CNGA4: variants seen among roughly 807,000 people sequenced by gnomAD.
The protein encoded by CNGA4 is cyclic nucleotide gated channel subunit alpha 4.
A neutral mutation model predicts 45.6 loss-of-function variants in CNGA4; 32 were observed. The observed-to-expected ratio is 0.70, with a 90% CI of 0.53 to 0.94. CNGA4 has a LOEUF of 0.94. Among genes scored for constraint, CNGA4 ranks in the 40% least tolerant of loss-of-function variants. CNGA4 has a pLI of 0.00. For missense variants in CNGA4, 726 were observed against 755.1 expected (o/e 0.96, Z 0.45); for synonymous variants, 293 against 304.6 (o/e 0.96, Z 0.40).
In CNGA4 at chr11:6,244,402, C is replaced by T; in HGVS notation, c.1721C>T (p.Pro574Leu). The T allele has an allele frequency of 6.2e-7, 1 of 1,608,506 alleles. No homozygotes were observed. The highest frequency in any genetic ancestry group is 1.3e-5 in the African/African-American group (1 of 74,924). Residue 574 changes from proline to leucine, a missense_variant, in exon 6 of 6, where the codon CCA becomes CTA. Transcript: ENST00000379936. This position sits in a 1 kb window ranked among gnomAD's most constrained non-coding sequence, Gnocchi z 4.5. ...GCCAGCCAGGAGGGACCCCCAGGTC[C>T]AGAGTGACCCCATCCCCATCCCCAG... ...GRASQEGPPGPE is the reference protein window; with the variant it reads ...GRASQEGPPGLE
Position 6,240,257 on chromosome 11 carries a change from G to T in CNGA4, c.463G>T (p.Asp155Tyr). The change falls in exon 4 of 6, where the codon GAC becomes TAC. Residue 155 changes from aspartate (D) to tyrosine (Y), a missense_variant. Physicochemically the swap from Asp to Tyr is radical, Grantham distance 160. Transcript: ENST00000379936. The surrounding 1 kb of genome is among the most constrained non-coding windows in gnomAD (Gnocchi z 4.9). ...CGCGCCCCGCCTCTTCGAGGCCTTC[G>T]ACCGCACAGAGACCCGCACAGCTTA... ...LRAPRLFEAF[D>Y]RTETRTAYPN... The T allele has an allele frequency of 6.2e-7, 1 of 1,614,206 alleles. No individual in the cohort carries two copies. The highest frequency in any genetic ancestry group is 1.3e-5 in the African/African-American group (1 of 75,074).
Position 6,241,683 on chromosome 11 carries a change from G to C in CNGA4, c.1170G>C (p.Glu390Asp). 1 of 1,614,212 alleles carries C rather than the reference G, an allele frequency of 6.2e-7. No homozygotes were observed. The stretch of plus-strand genomic sequence containing the variant: ...GCCAAGAGATGTACATCATCCGAGA[G>C]GGTCAACTGGCCGTGGTGGCAGATG... Reference protein sequence around the residue: ...DIGQEMYIIREGQLAVVADDG... With the variant: ...DIGQEMYIIRDGQLAVVADDG... The change falls in exon 5 of 6, where the codon GAG becomes GAC. Residue 390 changes from glutamate to aspartate, a missense_variant. Physicochemically the swap from Glu to Asp is conservative, Grantham distance 45. Coordinates refer to ENST00000379936, the MANE Select transcript of CNGA4 (RefSeq NM_001037329.4).
At chr11:6,243,799 C>T in intron 5 of CNGA4, 150 bp from the exon 6 acceptor site, 2 of 701,154 alleles carry the variant, frequency 2.9e-6, no homozygotes, top group South Asian at 1.9e-5. Context: ...GGAGCCTGGT[C>T]CCCAGTATGT....
At position 6,240,112 on chromosome 11, in the gene CNGA4, G is replaced by A. The variant is rs186291453; in HGVS notation, c.318G>A (p.Ser106=). The A allele has an allele frequency of 4.9e-4, 789 of 1,613,900 alleles. 1 individual carries two copies. The highest frequency in any genetic ancestry group is 6.2e-4 in the Non-Finnish European group (727 of 1,179,926). The change falls in exon 4 of 6, where the codon TCG becomes TCA. Residue 106 remains serine (S), a synonymous_variant. Coordinates refer to ENST00000379936, the MANE Select transcript of CNGA4 (RefSeq NM_001037329.4). The surrounding 1 kb of genome is among the most constrained non-coding windows in gnomAD (Gnocchi z 4.9). The stretch of plus-strand genomic sequence containing the variant: ...TGGTGGTGGACAAGGGTAGGATCTC[G>A]AGTCGCTACGTTCGCACCTGGAGTT... ...GILVVDKGRI[S]SRYVRTWSFF...
chr11:6,240,326 G>A lies in CNGA4; in HGVS notation c.532G>A (p.Val178Ile). Reference protein sequence around the residue: ...RIAKLMLYIFVVIHWNSCLYF... With the variant: ...RIAKLMLYIFIVIHWNSCLYF... ...TGCCAAGCTGATGCTTTACATTTTT[G>A]TCGTCATCCATTGGAACAGCTGCCT... Residue 178 changes from valine to isoleucine, a missense_variant, in exon 4 of 6, where the codon GTC (valine) becomes ATC (isoleucine). Coordinates refer to ENST00000379936, the MANE Select transcript of CNGA4 (RefSeq NM_001037329.4). The surrounding 1 kb of genome is among the most constrained non-coding windows in gnomAD (Gnocchi z 4.9). The A allele has an allele frequency of 6.2e-7, 1 of 1,614,154 alleles. No individual in the cohort carries two copies. Among genetic ancestry groups the A allele is most frequent in the Non-Finnish European group, 8.5e-7 (1 of 1,180,024 alleles).
At position 6,239,130 on chromosome 11, in the gene CNGA4, T is replaced by A. The variant is rs1008453704; in HGVS notation, c.-77T>A. Reference sequence around the variant, plus strand: ...CAGCCTCCTTCAGGCAGTCAGGCACTAGTGCCCAACTCCAGAAGTCCCCTA... The same window carrying A: ...CAGCCTCCTTCAGGCAGTCAGGCACAAGTGCCCAACTCCAGAAGTCCCCTA... On this transcript the variant is annotated 5_prime_UTR_variant, in exon 1 of 6. Coordinates refer to ENST00000379936, the MANE Select transcript of CNGA4 (RefSeq NM_001037329.4). The A allele has an allele frequency of 6.2e-7, 1 of 1,609,528 alleles. No homozygotes were observed. The highest frequency in any genetic ancestry group is 1.3e-5 in the African/African-American group (1 of 74,808).
chr11:6,239,485 G>T lies in CNGA4; in HGVS notation c.164G>T (p.Arg55Ile), dbSNP rs1174736220. The T allele has an allele frequency of 6.2e-7, 1 of 1,614,010 alleles. No homozygotes were observed. Among genetic ancestry groups the T allele is most frequent in the Non-Finnish European group, 8.5e-7 (1 of 1,179,974 alleles). Residue 55 changes from arginine to isoleucine, a missense_variant and splice_region_variant, in exon 2 of 6, where the codon AGA (arginine) becomes ATA (isoleucine). By Grantham distance (97) the Arg-to-Ile change is moderately conservative. Transcript: ENST00000379936. ...TATAACCTCATCATCCTCGTGTGCA[G>T]GTATGGCAGCGGTGCTAAGGGAGGG... ...VMYNLIILVC[R>I]ACFPDLQHGY...
In CNGA4 at chr11:6,239,253, C is replaced by T; in HGVS notation, c.47C>T (p.Ala16Val). ...AAGACAACAGAGTCCAGTCCCCCAG[C>T]CCCATCCAAGGCCAGGTGAGAAGTC... Reference protein sequence around the residue: ...KVKTTESSPPAPSKARKLLPV... With the variant: ...KVKTTESSPPVPSKARKLLPV... Residue 16 changes from alanine (A) to valine (V), a missense_variant, in exon 1 of 6, where the codon GCC (alanine) becomes GTC (valine). Transcript: ENST00000379936. 1.1e-5 allele frequency: 18 copies of T among 1,614,170 alleles called. No individual in the cohort carries two copies. The highest frequency in any genetic ancestry group is 1.4e-5 in the Non-Finnish European group (17 of 1,180,008).
intron 4 of CNGA4, among the ~76,000 whole-genome samples, chr11:6,241,155 G>T (rs943116528): frequency 6.6e-6 from 1 of 152,194 alleles, no homozygotes; most frequent in African/African-American, 2.4e-5. Context: ...GAGAGGAGGG[G>T]CCCTTGGTGG....
At chr11:6,237,110 C>T (rs564214028), upstream of CNGA4, among the ~76,000 whole-genome samples, 1 of 152,152 alleles carries the variant, frequency 6.6e-6, no homozygotes, top group Non-Finnish European at 1.5e-5. Context: ...CCAGACAACA[C>T]GCATTCCAAG....
chr11:6,241,149 G>A (rs1435885026), intron 4 of CNGA4, among the ~76,000 whole-genome samples: 1 of 152,218 alleles, frequency 6.6e-6, no homozygotes, highest in Non-Finnish European at 1.5e-5. Context: ...TCCCCAGAGA[G>A]GAGGGGCCCT....
Position 6,240,831 on chromosome 11 carries a change from C to A in CNGA4, c.917+120C>A. The A allele has an allele frequency of 7.8e-7, 1 of 1,287,574 alleles. No individual in the cohort carries two copies. Among genetic ancestry groups the A allele is most frequent in the Non-Finnish European group, 1.1e-6 (1 of 935,472 alleles). The allele number at this position is 1,287,574 out of a possible 1,614,324, so 79.8% of individuals were successfully genotyped here. ...AAGGCTGTCAAAATGTAGCATTCAG[C>A]CGTGGGTTTGCTGGCTGGGGCTTGG... On this transcript the variant is annotated intron_variant, in intron 4 of 5. Coordinates refer to ENST00000379936, the MANE Select transcript of CNGA4 (RefSeq NM_001037329.4). The surrounding 1 kb of genome is among the most constrained non-coding windows in gnomAD (Gnocchi z 4.9).
intron 4 of CNGA4, 100 bp from the exon 5 acceptor site, chr11:6,241,331 T>C: frequency 1.1e-6 from 1 of 916,588 alleles, no homozygotes. Context: ...GATCTCAGTA[T>C]GGTGGGATTC....
At chr11:6,241,915 T>C in intron 5 of CNGA4, 135 bp downstream of exon 5, 1 of 734,558 alleles carries the variant, frequency 1.4e-6, no homozygotes, top group South Asian at 1.7e-5. Flanking sequence ...TCTGAGTCAC[T>C]AGATGGCTCA....
At chr11:6,234,802 T>C (rs1395383020), upstream of CNGA4, 1 of 152,048 alleles carries the variant, frequency 6.6e-6, no homozygotes, top group African/African-American at 2.4e-5. Flanking sequence ...AAGGGCGGGG[T>C]CGCCGACGGC....
At chr11:6,234,798 G>C (rs941189236), upstream of CNGA4, 1 of 152,798 alleles carries the variant, frequency 6.5e-6, no homozygotes, top group Non-Finnish European at 1.5e-5. Context: ...ACGCAAGGGC[G>C]GGGTCGCCGA....
In CNGA4 at chr11:6,244,068, A is replaced by C; in HGVS notation, c.1387A>C (p.Ile463Leu). Residue 463 changes from isoleucine to leucine, a missense_variant, in exon 6 of 6, where the codon ATC (isoleucine) becomes CTC (leucine). Coordinates refer to ENST00000379936, the MANE Select transcript of CNGA4 (RefSeq NM_001037329.4). This position sits in a 1 kb window ranked among gnomAD's most constrained non-coding sequence, Gnocchi z 4.5. ...GAGCGAGTATCCACAAGCACAGACCATCATGGAGGAGAAAGGACGTGAGAT... is the reference window on the plus strand; with the variant it reads ...GAGCGAGTATCCACAAGCACAGACCCTCATGGAGGAGAAAGGACGTGAGAT... ...VLSEYPQAQT[I>L]MEEKGREILL... 6.2e-7 allele frequency: 1 copy of C among 1,614,250 alleles called. No homozygotes were observed. Among genetic ancestry groups the C allele is most frequent in the Middle Eastern group, 1.6e-4 (1 of 6,062 alleles).
rs117364457 is a variant in CNGA4, at chr11:6,240,471, C to A, written c.677C>A (p.Thr226Lys). The change falls in exon 4 of 6, where the codon ACG becomes AAG. Residue 226 changes from threonine to lysine, a missense_variant. Physicochemically the swap from Thr to Lys is moderately conservative, Grantham distance 78 (BLOSUM62 -1). Coordinates refer to ENST00000379936, the MANE Select transcript of CNGA4 (RefSeq NM_001037329.4). The surrounding 1 kb of genome is among the most constrained non-coding windows in gnomAD (Gnocchi z 4.9). ...TACCTCTATAGCTTTTACTTCTCCA[C>A]GCTGATACTGACTACAGTGGGCGAT... ...RQYLYSFYFS[T>K]LILTTVGDTP... The A allele has an allele frequency of 6.2e-7, 1 of 1,614,112 alleles. No individual in the cohort carries two copies. The highest frequency in any genetic ancestry group is 8.5e-7 in the Non-Finnish European group (1 of 1,180,050).
In CNGA4 at chr11:6,244,401, C is replaced by T. The variant is rs1847964311; in HGVS notation, c.1720C>T (p.Pro574Ser). 1 of 1,608,356 alleles carries T rather than the reference C, an allele frequency of 6.2e-7. No homozygotes were observed. Among genetic ancestry groups the T allele is most frequent in the African/African-American group, 1.3e-5 (1 of 74,800 alleles). ...GGCCAGCCAGGAGGGACCCCCAGGT[C>T]CAGAGTGACCCCATCCCCATCCCCA... The part of the protein sequence containing the change: ...GRASQEGPPG[P>S]E Residue 574 changes from proline (P) to serine (S), a missense_variant, in exon 6 of 6, where the codon CCA becomes TCA. By Grantham distance (74) the Pro-to-Ser change is moderately conservative. Coordinates refer to ENST00000379936, the MANE Select transcript of CNGA4 (RefSeq NM_001037329.4). This position sits in a 1 kb window ranked among gnomAD's most constrained non-coding sequence, Gnocchi z 4.5.
Sources: gnomAD v4.1 joint callset for allele counts (sites outside exome capture counted in the v4.1 genomes callset) on GRCh38, gnomAD v4.1.1 for gene constraint, Gnocchi (gnomAD v3.1) non-coding constraint, MANE v1.5 for transcripts, NCBI Gene and HGNC (gene_info 2026-07-23, HGNC 2026-07-21) for gene names.